The following C2 variants were observed in gnomAD, a reference collection of about 807,000 sequenced individuals.
The protein encoded by C2 is C3/C5 convertase.
In C2, 64 loss-of-function variants were observed where a neutral mutation model predicts 85.2. The observed-to-expected ratio is 0.75, with a 90% CI of 0.61 to 0.92. The LOEUF is 0.92. Among genes scored for constraint, C2 ranks in the 40% least tolerant of loss-of-function variants. C2 has a pLI of 0.00. For missense variants in C2, 820 were observed against 971.6 expected, an observed-to-expected ratio of 0.84 and a Z score of 2.07; for synonymous variants, 311 against 370.8, an observed-to-expected ratio of 0.84 and a Z score of 1.85.
At chr6:31,930,606 G>T (rs924912418) in intron 3 of C2, among the ~76,000 whole-genome samples, 2 of 152,210 alleles carry the variant, frequency 1.3e-5, no homozygotes, top group Admixed American at 6.5e-5. Context: ...CCCTGGAGCT[G>T]CATTTGCCTG....
At chr6:31,940,458 A>C (rs769702689) in intron 9 of C2, among the ~76,000 whole-genome samples, 2 of 152,318 alleles carry the variant, frequency 1.3e-5, no homozygotes, top group Non-Finnish European at 2.9e-5. Flanking sequence ...TCTAAAGGAA[A>C]AATTCCTCAG....
At chr6:31,919,179 T>C (rs1768783694), upstream of C2, among the ~76,000 whole-genome samples, 10 of 151,576 alleles carry the variant, frequency 6.6e-5, no homozygotes, top group South Asian at 2.1e-3. Context: ...AGTTTTGTTC[T>C]TGTTGCCCAG....
At chr6:31,909,410 G>C in intron 1 of C2, among the ~76,000 whole-genome samples, 1 of 151,608 alleles carries the variant, frequency 6.6e-6, no homozygotes, top group East Asian at 1.9e-4. Flanking sequence ...TCCCGCCTTA[G>C]CCTCCCGAGT....
In C2 at chr6:31,902,512, C is replaced by A. The variant is rs537607095; in HGVS notation, c.73+1373C>A. 1.1e-4 allele frequency among the ~76,000 whole-genome samples: 16 copies of A among 152,356 alleles called. No individual in the cohort carries two copies. In the East Asian group the frequency reaches 3.1e-3, roughly 29 times the overall value. On this transcript the variant is annotated intron_variant, in intron 1 of 3. Transcript: ENST00000452202. ...GCTGCCCTGGGTGCATCCGTGGCACCTCTCAGGGCCCCATCCGCCCCGTGG... is the reference window on the plus strand; with the variant it reads ...GCTGCCCTGGGTGCATCCGTGGCACATCTCAGGGCCCCATCCGCCCCGTGG...
intron 3 of C2, chr6:31,932,482 G>T: frequency 3.9e-6 from 1 of 257,366 alleles, no homozygotes; most frequent in South Asian, 3.1e-5. Flanking sequence ...CGGATGGGGC[G>T]GCCGGGCAGA....
In C2 at chr6:31,939,272, C is replaced by T. The variant is rs1770686925; in HGVS notation, c.1171C>T (p.His391Tyr). Residue 391 changes from histidine to tyrosine, a missense_variant, in exon 9 of 18, where the codon CAT becomes TAT. His to Tyr is a moderately conservative substitution (Grantham distance 83). Coordinates refer to ENST00000299367, the MANE Select transcript of C2 (RefSeq NM_000063.6). ...TGGCTCTCCCAAGACAGCTGTTGAC[C>T]ATATCAGAGAGATCCTGAACATCAA... ...MGGSPKTAVDHIREILNINQK... is the reference protein window; with the variant it reads ...MGGSPKTAVDYIREILNINQK... The T allele has an allele frequency of 6.2e-7, 1 of 1,612,562 alleles. No homozygotes were observed.
chr6:31,944,023 G>C lies in C2; in HGVS notation c.1810+30G>C. 2 of 1,609,546 alleles carry C rather than the reference G, an allele frequency of 1.2e-6. No homozygotes were observed. Among genetic ancestry groups the C allele is most frequent in the East Asian group, 4.5e-5 (2 of 44,876 alleles). On this transcript the variant is annotated intron_variant, in intron 14 of 17. Coordinates refer to ENST00000299367, the MANE Select transcript of C2 (RefSeq NM_000063.6). The surrounding 1 kb of genome is among the most constrained non-coding windows in gnomAD (Gnocchi z 5.1). ...GTGCTGGGACTTATGGTGCTTGAGA[G>C]CTGGGGCCGGGGTTTGGGGGTGATA...
At chr6:31,900,368 G>GC (rs1767112823), upstream of C2, 1 of 1,403,140 alleles carries the variant, frequency 7.1e-7, no homozygotes, top group Non-Finnish European at 9.8e-7. This position sits in a 1 kb window ranked among gnomAD's most constrained non-coding sequence, Gnocchi z 9.7. Context: ...GCTGCCCCCC[G>GC]CCCCCAGGCT....
chr6:31,929,905 A>G (rs565558228), intron 3 of C2, among the ~76,000 whole-genome samples: 12 of 149,418 alleles, frequency 8.0e-5, no homozygotes, highest in Admixed American at 8.0e-4. Context: ...CCAGCTACTC[A>G]GGAGGCTGAG....
rs1228754923 is a variant in C2 at position 31,933,966 on chromosome 6, G to T, written c.715+1G>T. 3 of 1,612,410 alleles carry T rather than the reference G, an allele frequency of 1.9e-6. No homozygotes were observed. The highest frequency in any genetic ancestry group is 1.7e-5 in the Admixed American group (1 of 60,006). ...ACCAATCCCACCCAGAAGACAAAGG[G>T]TGAGTGTTTGAGGTGGGGTTTCTGG... is the stretch of plus-strand genomic sequence containing the variant. On this transcript the variant is annotated splice_donor_variant, in intron 5 of 17. Coordinates refer to ENST00000299367, the MANE Select transcript of C2 (RefSeq NM_000063.6). LOFTEE classifies it high-confidence loss of function.
chr6:31,938,110 C>T (rs1196554956), intron 8 of C2, among the ~76,000 whole-genome samples: 2 of 152,138 alleles, frequency 1.3e-5, no homozygotes, highest in African/African-American at 4.8e-5. Context: ...TTTCCTTACA[C>T]AATTTTTATG....
intron 1 of C2, among the ~76,000 whole-genome samples, chr6:31,908,108 A>G (rs570455261): frequency 1.7e-3 from 260 of 149,058 alleles, no homozygotes; most frequent in Non-Finnish European, 3.4e-3. Flanking sequence ...AGCCTCCCAA[A>G]GTGCTGGGAT....
At chr6:31,939,154 A>T (rs951063070) in intron 8 of C2, 77 bp from the exon 9 acceptor site, 1 of 1,030,506 alleles carries the variant, frequency 9.7e-7, no homozygotes, top group Admixed American at 1.7e-5. Flanking sequence ...TTCCCAGGCT[A>T]AATGCTTTCC....
chr6:31,919,629 T>C (rs189722166), upstream of C2, among the ~76,000 whole-genome samples: 267 of 152,310 alleles, frequency 1.8e-3, no homozygotes, highest in Non-Finnish European at 3.1e-4. Flanking sequence ...AGAGAGCATA[T>C]GTGGCTACTA....
upstream of C2, chr6:31,899,878 TC>T: frequency 6.6e-7 from 1 of 1,508,410 alleles, no homozygotes; most frequent in Non-Finnish European, 8.8e-7. Flanking sequence ...GAGCCCTTTT[TC>T]CACGCAGCCC....
rs201023669 is a variant in C2 at position 31,928,758 on chromosome 6, T to G, written c.283T>G (p.Phe95Val). The G allele has an allele frequency of 1.4e-4, 219 of 1,614,228 alleles. No homozygotes were observed. In the East Asian group the frequency reaches 4.9e-3, roughly 36 times the overall value. The change falls in exon 3 of 18, where the codon TTT becomes GTT. Residue 95 changes from phenylalanine (F) to valine (V), a missense_variant. Coordinates refer to ENST00000299367, the MANE Select transcript of C2 (RefSeq NM_000063.6). ...KPVRCPAPVS[F>V]ENGIYTPRLG... ...TGTGCGCTGTCCAGCCCCTGTCTCC[T>G]TTGAGAATGGCATTTATACCCCACG...
rs9281622 is a variant in C2, at chr6:31,907,841, C to CTTTTTTT, written c.73+6718_73+6724dup. On this transcript the variant is annotated intron_variant, in intron 1 of 3. Coordinates refer to the C2 transcript ENST00000452202. The stretch of plus-strand genomic sequence containing the variant: ...TACAGGCGTGCGCTACCACTTCTGG[C>CTTTTTTT]TTTTTTTTTTTTTTTTTTTTTTGAG... Among the ~76,000 whole-genome samples the CTTTTTTT allele has an allele frequency of 3.0e-3, 202 of 67,964 alleles. 11 individuals are homozygous for CTTTTTTT. The highest frequency in any genetic ancestry group is 0.016 in the Middle Eastern group (1 of 64). The allele number at this position is 67,964 out of a possible 152,430, so 44.6% of individuals were successfully genotyped here. A position where few individuals can be genotyped will look rare whatever the true frequency, so the allele number is the denominator to read the frequency against.
At chr6:31,931,872 G>C (rs1396225824) in intron 3 of C2, among the ~76,000 whole-genome samples, 2 of 149,968 alleles carry the variant, frequency 1.3e-5, no homozygotes, top group African/African-American at 2.4e-5. Flanking sequence ...TCCCGGACAG[G>C]GCGGCTGGCC....
chr6:31,933,619 G>T lies in C2; in HGVS notation c.452G>T (p.Cys151Phe), dbSNP rs1770109879. ...TAVCDNGAGH[C>F]PNPGISLGAV... ...CTTTGTTCACTCGCAGCTGGCCACT[G>T]CCCCAACCCAGGCATTTCACTGGGC... Residue 151 changes from cysteine (C) to phenylalanine (F), a missense_variant, in exon 4 of 18, where the codon TGC becomes TTC. By Grantham distance (205) the Cys-to-Phe change is radical. Transcript: ENST00000299367. 1 of 1,613,072 alleles carries T rather than the reference G, an allele frequency of 6.2e-7. No homozygotes were observed. The highest frequency in any genetic ancestry group is 8.5e-7 in the Non-Finnish European group (1 of 1,180,034).
Sources: allele counts gnomAD v4.1 joint callset (sites outside exome capture counted in the v4.1 genomes callset), GRCh38; gene constraint gnomAD v4.1.1; non-coding constraint Gnocchi (gnomAD v3.1); transcripts MANE v1.5; gene names NCBI Gene and HGNC (gene_info 2026-07-23, HGNC 2026-07-21).